LAMA3: variants seen among roughly 807,000 people sequenced by gnomAD.
The protein encoded by LAMA3 is laminin subunit alpha-3.
LAMA3 carries 281 observed loss-of-function variants against 402.0 expected under a neutral mutation model. The observed-to-expected ratio is 0.70, with a 90% CI of 0.63 to 0.77. The LOEUF is 0.77. Ranked by LOEUF, LAMA3 falls within the 30% of genes least tolerant of loss-of-function variation. The pLI is 0.00. For synonymous variants in LAMA3, 1,431 were observed against 1,558.4 expected (o/e 0.92, Z 1.93); for missense variants, 3,840 against 4,215.5 (o/e 0.91, Z 2.47).
intron 12 of LAMA3, among the ~76,000 whole-genome samples, chr18:23,790,754 T>TA (rs2062634458): frequency 6.6e-6 from 1 of 152,214 alleles, no homozygotes; most frequent in Non-Finnish European, 1.5e-5. Context: ...TGTGCCAGTA[T>TA]ACACTGCATA....
At chr18:23,759,172 A>G (rs556808765) in intron 7 of LAMA3, among the ~76,000 whole-genome samples, 1 of 151,834 alleles carries the variant, frequency 6.6e-6, no homozygotes, top group African/African-American at 2.4e-5. Flanking sequence ...GACTCTGTCT[A>G]CAAAAAATTG....
At position 23,833,939 on chromosome 18, in the gene LAMA3, T is replaced by C. The variant is rs1445147176; in HGVS notation, c.2935T>C (p.Ser979Pro). The change falls in exon 24 of 75, where the codon TCC becomes CCC. Residue 979 changes from serine to proline, a missense_variant. Ser to Pro is a moderately conservative substitution (Grantham distance 74). Transcript: ENST00000313654. ...TGTGGTTGATGTGAATGTGAAGAGC[T>C]CCGGGTCTGTTCTGGCAGGCCAGGT... ...LFVVDVNVKS[S>P]GSVLAGQVNI... 2.5e-6 allele frequency: 4 copies of C among 1,614,102 alleles called. No homozygotes were observed. The East Asian group carries it at 8.9e-5, about 36-fold the overall frequency.
intron 8 of LAMA3, among the ~76,000 whole-genome samples, chr18:23,768,194 AACAG>A (rs1356305061): frequency 6.6e-6 from 1 of 152,174 alleles, no homozygotes; most frequent in African/African-American, 2.4e-5. Flanking sequence ...CAGCAGAGTA[AACAG>A]ACAGCCTACA....
intron 25 of LAMA3, among the ~76,000 whole-genome samples, 167 bp from the exon 26 acceptor site, chr18:23,838,614 T>C (rs1442291015): frequency 6.6e-6 from 1 of 152,258 alleles, no homozygotes; most frequent in African/African-American, 2.4e-5. Context: ...CACATAATGA[T>C]GCCTGAGGAC....
At chr18:23,921,204 C>T in intron 61 of LAMA3, 150 bp downstream of exon 61, 1 of 990,104 alleles carries the variant, frequency 1.0e-6, no homozygotes, top group Non-Finnish European at 1.5e-6. Context: ...AAAATTTGCA[C>T]ATTTCGGCAT....
chr18:23,689,732 C>A lies in LAMA3; in HGVS notation c.49C>A (p.Pro17Thr). The A allele has an allele frequency of 6.7e-7, 1 of 1,488,084 alleles. No homozygotes were observed. The highest frequency in any genetic ancestry group is 8.9e-7 in the Non-Finnish European group (1 of 1,123,576). 92.2% of individuals were successfully genotyped at this position (1,488,084 alleles called of 1,614,324 possible). Residue 17 changes from proline to threonine, a missense_variant, in exon 1 of 75, where the codon CCG (proline) becomes ACG (threonine). Transcript: ENST00000313654. ...GGGTCGGGCACTGGGGCCAGTACTG[C>A]CGCCGACGCCGCTGCTCCTGCTGGT... Reference protein sequence around the residue: ...PRGRALGPVLPPTPLLLLVLR... With the variant: ...PRGRALGPVLTPTPLLLLVLR...
At chr18:23,892,447 G>T (rs986672524) in intron 42 of LAMA3, among the ~76,000 whole-genome samples, 5 of 151,458 alleles carry the variant, frequency 3.3e-5, no homozygotes, top group Non-Finnish European at 7.4e-5. Context: ...ATGCAAGCTT[G>T]TTAGGAAAAT....
intron 20 of LAMA3, 63 bp downstream of exon 20, chr18:23,822,438 T>G: frequency 2.0e-6 from 3 of 1,537,454 alleles, no homozygotes; most frequent in Non-Finnish European, 2.7e-6. Flanking sequence ...TGAAACACTT[T>G]CTCTGATTTT....
In LAMA3 at chr18:23,905,629, T is replaced by C. The variant is rs955091785; in HGVS notation, c.6718+5T>C. 9.7e-6 allele frequency: 15 copies of C among 1,545,546 alleles called. No homozygotes were observed. The highest frequency in any genetic ancestry group is 1.3e-5 in the Non-Finnish European group (15 of 1,118,704). On this transcript the variant is annotated splice_donor_5th_base_variant and intron_variant, in intron 52 of 74. Coordinates refer to ENST00000313654, the MANE Select transcript of LAMA3 (RefSeq NM_198129.4). ...CACAAAAGAAGCTAAAGCAAGGTATTAGGGGGAGTGGGCAATGGCAGGGAT... is the reference window on the plus strand; with the variant it reads ...CACAAAAGAAGCTAAAGCAAGGTATCAGGGGGAGTGGGCAATGGCAGGGAT...
chr18:23,920,283 A>G (rs753147080), intron 60 of LAMA3, among the ~76,000 whole-genome samples: 29 of 152,214 alleles, frequency 1.9e-4, no homozygotes, highest in Non-Finnish European at 4.0e-4. Flanking sequence ...TCTGTGAGTC[A>G]TGCAAGCAAA....
At chr18:23,796,363 G>A (rs1219386126) in intron 12 of LAMA3, among the ~76,000 whole-genome samples, 2 of 152,140 alleles carry the variant, frequency 1.3e-5, no homozygotes, top group Middle Eastern at 3.2e-3. Flanking sequence ...AACTAGAAGT[G>A]GGGTCAACAC....
intron 42 of LAMA3, among the ~76,000 whole-genome samples, chr18:23,890,348 A>C (rs1486851077): frequency 2.6e-5 from 4 of 151,852 alleles, no homozygotes. Flanking sequence ...GTTTCAATGC[A>C]CTTTTTTTTT....
At chr18:23,738,401 A>G (rs188753979) in intron 2 of LAMA3, among the ~76,000 whole-genome samples, 197 of 152,206 alleles carry the variant, frequency 1.3e-3, no homozygotes, top group African/African-American at 4.5e-3. Context: ...GGATGTGCAG[A>G]TGCAAATGTA....
chr18:23,823,302 G>C (rs945367546), intron 20 of LAMA3, among the ~76,000 whole-genome samples: 1 of 152,222 alleles, frequency 6.6e-6, no homozygotes, highest in East Asian at 1.9e-4. Context: ...TAAATTGCCA[G>C]CCACAGCTGG....
chr18:23,905,729 G>A, intron 52 of LAMA3, 105 bp downstream of exon 52: 1 of 678,790 alleles, frequency 1.5e-6, no homozygotes, highest in Non-Finnish European at 2.7e-6. Flanking sequence ...GAATCTCAGT[G>A]TCAATGCAGA....
At position 23,881,951 on chromosome 18, in the gene LAMA3, A is replaced by G; in HGVS notation, c.5128A>G (p.Thr1710Ala). ...SGICVNCQHN[T>A]AGEHCERCQE... ...CTGTCCCCAGAACTGTCAGCACAAC[A>G]CCGCGGGAGAGCACTGTGAACGCTG... is the stretch of plus-strand genomic sequence containing the variant. The change falls in exon 40 of 75, where the codon ACC becomes GCC. Residue 1710 changes from threonine to alanine, a missense_variant. Physicochemically the swap from Thr to Ala is moderately conservative, Grantham distance 58. This residue lies in a region of LAMA3 where 2,109 missense variants were observed against 2,376.0 expected (regional missense o/e 0.89). Transcript: ENST00000313654. The G allele has an allele frequency of 6.2e-7, 1 of 1,613,460 alleles. No homozygotes were observed. The highest frequency in any genetic ancestry group is 8.5e-7 in the Non-Finnish European group (1 of 1,179,474).
intron 12 of LAMA3, among the ~76,000 whole-genome samples, chr18:23,786,818 A>G (rs919447997): frequency 2.0e-5 from 3 of 152,260 alleles, no homozygotes; most frequent in Admixed American, 2.0e-4. Flanking sequence ...AAATTGTTTT[A>G]CAAAATAACC....
At chr18:23,764,394 G>T (rs1364032169) in intron 8 of LAMA3, among the ~76,000 whole-genome samples, 1 of 152,210 alleles carries the variant, frequency 6.6e-6, no homozygotes, top group East Asian at 1.9e-4. Flanking sequence ...CAAGTGATTT[G>T]TGTGCATATT....
rs141464226 is a variant in LAMA3 at position 23,951,770 on chromosome 18, G to T, written c.9729G>T (p.Ser3243=). The stretch of plus-strand genomic sequence containing the variant: ...CTCTGTGTGATGGACAGTGGCACTC[G>T]GTGGCAGGTATGTTGTCCAGTAGCT... ...KQSLCDGQWH[S]VAVTIKQHIL... Residue 3243 remains serine, a synonymous_variant, in exon 73 of 75, where the codon TCG becomes TCT. Coordinates refer to ENST00000313654, the MANE Select transcript of LAMA3 (RefSeq NM_198129.4). The T allele has an allele frequency of 3.1e-6, 5 of 1,612,406 alleles. No homozygotes were observed. Among genetic ancestry groups the T allele is most frequent in the Non-Finnish European group, 3.4e-6 (4 of 1,178,590 alleles).
Sources: allele counts gnomAD v4.1 joint callset (sites outside exome capture counted in the v4.1 genomes callset), GRCh38; gene constraint gnomAD v4.1.1; regional missense constraint gnomAD v4.1.1; transcripts MANE v1.5; gene names NCBI Gene and HGNC (gene_info 2026-07-23, HGNC 2026-07-21).